AGXT2: variants seen among roughly 807,000 people sequenced by gnomAD.
The protein encoded by AGXT2 is alanine--glyoxylate aminotransferase 2, mitochondrial.
Under a neutral mutation model 62.5 loss-of-function variants are expected in AGXT2, and 61 were observed. That is an observed-to-expected ratio of 0.98 (90% CI 0.79 to 1.21). The LOEUF is 1.21. Ranked by LOEUF, AGXT2 falls within the 50% of genes most tolerant of loss-of-function variation. The probability of loss-of-function intolerance (pLI) is 0.00; values close to 1 mark genes in which losing one functional copy is unlikely to be tolerated. For missense variants in AGXT2, 666 were observed against 641.5 expected (o/e 1.04, Z -0.41); for synonymous variants, 243 against 218.7 (o/e 1.11, Z -0.98).
At chr5:35,020,882 A>T (rs1196846495) in intron 9 of AGXT2, among the ~76,000 whole-genome samples, 10 of 152,142 alleles carry the variant, frequency 6.6e-5, no homozygotes, top group Non-Finnish European at 1.5e-4. Flanking sequence ...AAGTCTCAGG[A>T]TACAAAATCA....
At chr5:35,028,756 A>G (rs1246370814) in intron 7 of AGXT2, among the ~76,000 whole-genome samples, 2 of 152,178 alleles carry the variant, frequency 1.3e-5, no homozygotes, top group South Asian at 2.1e-4. Flanking sequence ...ATTTATATCC[A>G]TAGATGACCA....
In AGXT2 at chr5:35,006,352, T is replaced by C. The variant is rs538899512; in HGVS notation, c.1339-2491A>G. The stretch of plus-strand genomic sequence containing the variant: ...AAGGAATACCTGAGACTGGGTAATT[T>C]ATAAAGAAAAGAGGTTTAATTGGCT... On this transcript the variant is annotated intron_variant, in intron 12 of 13. Transcript: ENST00000231420. Among the ~76,000 whole-genome samples the C allele has an allele frequency of 3.3e-5, 5 of 152,304 alleles. No homozygotes were observed. The East Asian group carries it at 9.6e-4, about 29-fold the overall frequency.
At chr5:35,031,820 G>T (rs1270891683) in intron 7 of AGXT2, among the ~76,000 whole-genome samples, 1 of 150,234 alleles carries the variant, frequency 6.7e-6, no homozygotes, top group Non-Finnish European at 1.5e-5. Flanking sequence ...TTTTGAGATT[G>T]CCAAAAGCAT....
At chr5:35,040,457 G>T (rs1767941549) in intron 2 of AGXT2, 118 bp downstream of exon 2, 17 of 907,010 alleles carry the variant, frequency 1.9e-5, no homozygotes, top group South Asian at 1.5e-4. Context: ...ACAATATCTG[G>T]AATGAGGTAG....
chr5:35,026,091 AAAAGAAATTGGTGAGACT>A (rs1452825433), intron 8 of AGXT2: 33 of 596,246 alleles, frequency 5.5e-5, no homozygotes, highest in Non-Finnish European at 9.2e-5. Flanking sequence ...ACAGTAGAAT[AAAAGAAATTGGTGAGACT>A]AAAGAAAGAG....
rs1159123632 is a variant in AGXT2 at position 35,014,020 on chromosome 5, C to T, written c.1063G>A (p.Gly355Ser). 1.9e-6 allele frequency: 3 copies of T among 1,614,134 alleles called. No individual in the cohort carries two copies. The highest frequency in any genetic ancestry group is 2.5e-6 in the Non-Finnish European group (3 of 1,180,016). Reference protein sequence around the residue: ...IVTMAKGIGNGFPMAAVITTP... With the variant: ...IVTMAKGIGNSFPMAAVITTP... ...GTTATGACTGCTGCCATGGGAAAGC[C>T]ATTCCCAATCCCTTTAGCCATGGTG... is the stretch of plus-strand genomic sequence containing the variant. Residue 355 changes from glycine (G) to serine (S), a missense_variant, in exon 10 of 14, where the codon GGC becomes AGC. Gly to Ser is a moderately conservative substitution (Grantham distance 56). Transcript: ENST00000231420.
intron 7 of AGXT2, chr5:35,026,873 A>T (rs1767375012): frequency 1.0e-6 from 1 of 985,340 alleles, no homozygotes; most frequent in East Asian, 1.1e-4. Flanking sequence ...ATTCAAATGT[A>T]ATTAGAGCGA....
intron 10 of AGXT2, among the ~76,000 whole-genome samples, chr5:35,013,427 G>A (rs532357331): frequency 6.6e-6 from 1 of 152,258 alleles, no homozygotes; most frequent in East Asian, 1.9e-4. Flanking sequence ...CAAAAGTGTG[G>A]TGGAACCCTG....
intron 9 of AGXT2, among the ~76,000 whole-genome samples, chr5:35,015,235 T>C (rs1445465110): frequency 6.6e-6 from 1 of 152,164 alleles, no homozygotes; most frequent in Admixed American, 6.5e-5. Flanking sequence ...CCAGTGGGCA[T>C]GTCCGATGGC....
At chr5:35,042,965 TGA>T (rs2112295867) in intron 1 of AGXT2, among the ~76,000 whole-genome samples, 1 of 152,330 alleles carries the variant, frequency 6.6e-6, no homozygotes, top group African/African-American at 2.4e-5. Flanking sequence ...TCAATTCACA[TGA>T]GCAACTTGAG....
chr5:35,043,287 G>T (rs1050702961), intron 1 of AGXT2, among the ~76,000 whole-genome samples: 35 of 152,032 alleles, frequency 2.3e-4, no homozygotes, highest in African/African-American at 8.0e-4. Flanking sequence ...TATTTATTAA[G>T]GGCTTCCTCA....
rs138063638 is a variant in AGXT2 at position 35,037,041 on chromosome 5, C to T, written c.387G>A (p.Lys129=). The T allele has an allele frequency of 1.4e-4, 230 of 1,614,062 alleles. No individual in the cohort carries two copies. The highest frequency in any genetic ancestry group is 1.9e-4 in the Non-Finnish European group (219 of 1,180,032). ...TTGTATGCCACAGGCGGCCGAGCTGCTTTTGTGCCACTGCATTCACCTTTC... is the reference window on the plus strand; with the variant it reads ...TTGTATGCCACAGGCGGCCGAGCTGTTTTTGTGCCACTGCATTCACCTTTC... The part of the protein sequence containing the change: ...CHPKVNAVAQ[K]QLGRLWHTST... Residue 129 remains lysine, a synonymous_variant, in exon 4 of 14, where the codon AAG becomes AAA. Transcript: ENST00000231420.
intron 9 of AGXT2, among the ~76,000 whole-genome samples, 170 bp from the exon 10 acceptor site, chr5:35,014,289 T>C (rs1235650910): frequency 6.6e-6 from 1 of 151,632 alleles, no homozygotes; most frequent in East Asian, 1.9e-4. Context: ...CTGTCTCTTC[T>C]AAAAATACAA....
At chr5:35,031,933 T>G (rs1309157965) in intron 7 of AGXT2, among the ~76,000 whole-genome samples, 1 of 141,914 alleles carries the variant, frequency 7.0e-6, no homozygotes, top group Non-Finnish European at 1.5e-5. Context: ...ATTTTAGAGA[T>G]GGGATCTTGC....
At chr5:35,005,179 T>A (rs1766375821) in intron 12 of AGXT2, among the ~76,000 whole-genome samples, 1 of 151,872 alleles carries the variant, frequency 6.6e-6, no homozygotes, top group South Asian at 2.1e-4. Flanking sequence ...GATTGGAGAG[T>A]AATCCGGAGG....
intron 11 of AGXT2, among the ~76,000 whole-genome samples, chr5:35,011,112 C>A (rs1163516915): frequency 1.3e-5 from 2 of 152,136 alleles, no homozygotes; most frequent in South Asian, 4.1e-4. Flanking sequence ...TTTTATAGAC[C>A]TATTTGTTCA....
At chr5:35,045,231 A>G (rs1017533155) in intron 1 of AGXT2, among the ~76,000 whole-genome samples, 5 of 152,238 alleles carry the variant, frequency 3.3e-5, no homozygotes, top group African/African-American at 1.2e-4. Flanking sequence ...TGAATATTGT[A>G]CAGTAACTAT....
intron 7 of AGXT2, among the ~76,000 whole-genome samples, chr5:35,031,258 T>A (rs1767549981): frequency 6.6e-6 from 1 of 152,220 alleles, no homozygotes; most frequent in Non-Finnish European, 1.5e-5. Flanking sequence ...TCCTGATGTT[T>A]AAAGTGGAGA....
chr5:35,025,249 G>T (rs1767286620), intron 9 of AGXT2, among the ~76,000 whole-genome samples: 1 of 152,092 alleles, frequency 6.6e-6, no homozygotes, highest in African/African-American at 2.4e-5. Context: ...GGTGGCACAT[G>T]CCTGTGGTCC....
Sources: allele counts gnomAD v4.1 joint callset (sites outside exome capture counted in the v4.1 genomes callset), GRCh38; gene constraint gnomAD v4.1.1; transcripts MANE v1.5; gene names NCBI Gene and HGNC (gene_info 2026-07-23, HGNC 2026-07-21).